OSBPL8: variants seen among roughly 807,000 people sequenced by gnomAD.
OSBPL8 encodes the protein oxysterol-binding protein-related protein 8.
Under a neutral mutation model 125.5 loss-of-function variants are expected in OSBPL8, and 59 were observed. The observed-to-expected ratio is 0.47, with a 90% confidence interval of 0.38 to 0.58. The LOEUF is 0.58. Ranked by LOEUF, OSBPL8 falls within the 20% of genes least tolerant of loss-of-function variation. The pLI is 0.00. For missense variants in OSBPL8, 758 were observed against 1,047.8 expected (o/e 0.72, Z 3.82); for synonymous variants, 330 against 338.9 (o/e 0.97, Z 0.29).
In OSBPL8 at chr12:76,553,439, G is replaced by A. The variant is rs200432406; in HGVS notation, c.-68+5958C>T. ...AGCACTTTGGGAGACCAAGGTGGGA[G>A]AATCATTTGAGGCTAGGGGTTCAAG... On this transcript the variant is annotated intron_variant, in intron 1 of 23. Transcript: ENST00000261183. Among the ~76,000 whole-genome samples the A allele has an allele frequency of 1.3e-4, 20 of 148,884 alleles. No homozygotes were observed. In the East Asian group the frequency reaches 4.0e-3, roughly 30 times the overall value.
chr12:76,402,814 C>A (rs371906860), intron 5 of OSBPL8, 48 bp from the exon 6 acceptor site: 3 of 1,203,662 alleles, frequency 2.5e-6, no homozygotes, highest in East Asian at 2.4e-5. Flanking sequence ...AGATTTTCTA[C>A]ACGTCGCATA....
chr12:76,521,553 T>C (rs888337430), intron 1 of OSBPL8, among the ~76,000 whole-genome samples: 1 of 152,030 alleles, frequency 6.6e-6, no homozygotes, highest in African/African-American at 2.4e-5. Flanking sequence ...AAACAACCCA[T>C]CAACAAATGA....
intron 1 of OSBPL8, among the ~76,000 whole-genome samples, chr12:76,552,241 A>G (rs1404367570): frequency 1.3e-5 from 2 of 151,882 alleles, no homozygotes; most frequent in Non-Finnish European, 2.9e-5. Flanking sequence ...CCTGGGCAAC[A>G]TGGTGAAACC....
chr12:76,446,635 C>G (rs1476108278), intron 4 of OSBPL8, among the ~76,000 whole-genome samples: 2 of 152,030 alleles, frequency 1.3e-5, no homozygotes, highest in Non-Finnish European at 2.9e-5. Context: ...AAAATGTCAG[C>G]CTTCAACCCA....
intron 17 of OSBPL8, among the ~76,000 whole-genome samples, chr12:76,374,107 A>G (rs1306988559): frequency 1.3e-5 from 2 of 150,396 alleles, no homozygotes; most frequent in African/African-American, 5.0e-5. Context: ...AATAATACTT[A>G]AGAGGTCTTT....
chr12:76,369,965 GA>G (rs1952559372), intron 19 of OSBPL8, 143 bp from the exon 20 acceptor site: 1 of 736,452 alleles, frequency 1.4e-6, no homozygotes, highest in South Asian at 2.4e-5. Context: ...CATAGGCTTA[GA>G]AATGAGTCAA....
chr12:76,431,166 G>T (rs1421244552), intron 4 of OSBPL8, among the ~76,000 whole-genome samples: 1 of 151,926 alleles, frequency 6.6e-6, no homozygotes, highest in African/African-American at 2.4e-5. Flanking sequence ...GCTGAAGTTT[G>T]TTATTAGCTT....
At chr12:76,431,955 T>C (rs1311885667) in intron 4 of OSBPL8, among the ~76,000 whole-genome samples, 1 of 152,114 alleles carries the variant, frequency 6.6e-6, no homozygotes, top group Admixed American at 6.6e-5. Flanking sequence ...AATGAAGCAC[T>C]CTTCAGGATA....
At chr12:76,484,456 T>C (rs1877906473) in intron 2 of OSBPL8, among the ~76,000 whole-genome samples, 1 of 152,236 alleles carries the variant, frequency 6.6e-6, no homozygotes, top group South Asian at 2.1e-4. Flanking sequence ...ATAGTTATAA[T>C]AACAATAAAA....
chr12:76,428,696 T>C (rs1441771362), intron 4 of OSBPL8, among the ~76,000 whole-genome samples: 1 of 152,052 alleles, frequency 6.6e-6, no homozygotes, highest in East Asian at 1.9e-4. Flanking sequence ...TCCAGACACA[T>C]AGAGAACCAC....
At position 76,442,690 on chromosome 12, in the gene OSBPL8, T is replaced by C. The variant is rs556368719; in HGVS notation, c.217+8161A>G. The stretch of plus-strand genomic sequence containing the variant: ...AAATATAACATATTCAAGAACACAT[T>C]TGTTATATGTGTACAGTCCCACATA... On this transcript the variant is annotated intron_variant, in intron 4 of 23. Coordinates refer to ENST00000261183, the MANE Select transcript of OSBPL8 (RefSeq NM_020841.5). Among the ~76,000 whole-genome samples, 300 of 152,246 alleles carry C rather than the reference T, an allele frequency of 2.0e-3. 1 individual carries two copies. Among genetic ancestry groups the C allele is most frequent in the African/African-American group, 6.9e-3 (285 of 41,558 alleles).
chr12:76,394,800 ATAT>A, intron 8 of OSBPL8, 71 bp from the exon 9 acceptor site: 1 of 1,017,936 alleles, frequency 9.8e-7, no homozygotes, highest in Non-Finnish European at 1.4e-6. Context: ...ACACTATCCA[ATAT>A]TATCTGTAAT....
At chr12:76,540,340 T>A (rs1950605188) in intron 1 of OSBPL8, among the ~76,000 whole-genome samples, 1 of 152,120 alleles carries the variant, frequency 6.6e-6, no homozygotes, top group Non-Finnish European at 1.5e-5. Flanking sequence ...AGTCTAAGTC[T>A]AAGGTTGTAA....
chr12:76,493,962 T>C (rs1879004893), intron 1 of OSBPL8, among the ~76,000 whole-genome samples: 1 of 152,186 alleles, frequency 6.6e-6, no homozygotes, highest in Non-Finnish European at 1.5e-5. Flanking sequence ...CTTGATCAGT[T>C]CTGCTGTTAA....
Position 76,467,870 on chromosome 12 carries a change from C to T in OSBPL8, c.43-7975G>A, listed in dbSNP as rs947998749. Among the ~76,000 whole-genome samples the T allele has an allele frequency of 2.6e-5, 4 of 152,140 alleles. No individual in the cohort carries two copies. The East Asian group carries it at 5.8e-4, about 22-fold the overall frequency. On this transcript the variant is annotated intron_variant, in intron 2 of 23. Transcript: ENST00000261183. ...CATACACAGAAGACAGTATGTATTACGGTTTATTCAACACTAAGATAAGTG... is the reference window on the plus strand; with the variant it reads ...CATACACAGAAGACAGTATGTATTATGGTTTATTCAACACTAAGATAAGTG...
At chr12:76,487,192 G>T (rs1441804332) in intron 2 of OSBPL8, among the ~76,000 whole-genome samples, 2 of 151,722 alleles carry the variant, frequency 1.3e-5, no homozygotes, top group South Asian at 2.1e-4. Flanking sequence ...ACCACACCTG[G>T]CTAATTTTTG....
At chr12:76,515,299 T>C (rs572275002) in intron 1 of OSBPL8, among the ~76,000 whole-genome samples, 24 of 152,322 alleles carry the variant, frequency 1.6e-4, no homozygotes, top group African/African-American at 5.5e-4. Context: ...CCTTTAACTG[T>C]AGTGTAGATT....
intron 1 of OSBPL8, among the ~76,000 whole-genome samples, chr12:76,554,487 C>T (rs982223108): frequency 6.6e-6 from 1 of 152,218 alleles, no homozygotes; most frequent in African/African-American, 2.4e-5. Context: ...CTTAACTTCT[C>T]TGTGCCTCAG....
At position 76,493,222 on chromosome 12, in the gene OSBPL8, T is replaced by G. The variant is rs570034838; in HGVS notation, c.-67-5604A>C. Among the ~76,000 whole-genome samples, 3 of 152,356 alleles carry G rather than the reference T, an allele frequency of 2.0e-5. No homozygotes were observed. In the East Asian group the frequency reaches 5.8e-4, roughly 29 times the overall value. Reference sequence around the variant, plus strand: ...GAGAGGACCCCAATAACATAATGTGTGTGTAAGCTTTACACCAAAGCTCCA... The same window carrying G: ...GAGAGGACCCCAATAACATAATGTGGGTGTAAGCTTTACACCAAAGCTCCA... On this transcript the variant is annotated intron_variant, in intron 1 of 23. Coordinates refer to ENST00000261183, the MANE Select transcript of OSBPL8 (RefSeq NM_020841.5).
Sources: allele counts gnomAD v4.1 joint callset (sites outside exome capture counted in the v4.1 genomes callset), GRCh38; gene constraint gnomAD v4.1.1; transcripts MANE v1.5; gene names NCBI Gene and HGNC (gene_info 2026-07-23, HGNC 2026-07-21).